Variants in PDE11A observed in about 807,000 individuals in gnomAD.
PDE11A encodes the protein dual 3',5'-cyclic-AMP and -GMP phosphodiesterase 11A.
In PDE11A, 100 loss-of-function variants were observed where a neutral mutation model predicts 100.5. The observed-to-expected ratio is 1.00, with a 90% CI of 0.85 to 1.18. The LOEUF is 1.18. Among genes scored for constraint, PDE11A ranks in the 50% most tolerant of loss-of-function variants. The pLI is 0.00. For synonymous variants in PDE11A, 381 were observed against 420.8 expected, an observed-to-expected ratio of 0.91 and a Z score of 1.16; for missense variants, 1,141 against 1,152.6, an observed-to-expected ratio of 0.99 and a Z score of 0.15.
At chr2:177,768,844 T>C (rs185902953) in intron 10 of PDE11A, among the ~76,000 whole-genome samples, 21 of 152,356 alleles carry the variant, frequency 1.4e-4, no homozygotes, top group Admixed American at 3.9e-4. Flanking sequence ...TAAAATAGTA[T>C]GTTTTTCACA....
chr2:177,778,621 G>C (rs1328059383), intron 9 of PDE11A, among the ~76,000 whole-genome samples: 1 of 152,190 alleles, frequency 6.6e-6, no homozygotes, highest in Non-Finnish European at 1.5e-5. Context: ...TTTGCTCTCA[G>C]CAGTAGTCCT....
chr2:177,860,443 T>G (rs1041354272), intron 5 of PDE11A, among the ~76,000 whole-genome samples: 4 of 151,652 alleles, frequency 2.6e-5, no homozygotes, highest in African/African-American at 9.7e-5. Flanking sequence ...ATTAGAGAGG[T>G]TAAATTAATA....
At chr2:177,670,483 C>T (rs2080661741) in intron 17 of PDE11A, among the ~76,000 whole-genome samples, 1 of 91,066 alleles carries the variant, frequency 1.1e-5, no homozygotes, top group South Asian at 3.9e-4. Flanking sequence ...AACGCTACTA[C>T]AGTGTGCATC....
chr2:177,916,351 C>T (rs1304477288), intron 2 of PDE11A, among the ~76,000 whole-genome samples: 5 of 152,210 alleles, frequency 3.3e-5, no homozygotes, highest in Admixed American at 1.3e-4. Flanking sequence ...CCTCCTTCTG[C>T]TCTTGAACTT....
intron 10 of PDE11A, among the ~76,000 whole-genome samples, chr2:177,753,700 C>A (rs1445932661): frequency 6.6e-6 from 1 of 151,522 alleles, no homozygotes. Context: ...GCTTCCACAC[C>A]AAAAGCCCTA....
intron 9 of PDE11A, among the ~76,000 whole-genome samples, chr2:177,775,679 C>A (rs570264097): frequency 1.3e-5 from 2 of 152,176 alleles, no homozygotes; most frequent in East Asian, 3.8e-4. Flanking sequence ...ATACACCAAG[C>A]GCTTTTCTAC....
chr2:177,943,207 C>A (rs1262113425), intron 2 of PDE11A, among the ~76,000 whole-genome samples: 2 of 152,158 alleles, frequency 1.3e-5, no homozygotes, highest in East Asian at 1.9e-4. Context: ...CTCTTCAAGA[C>A]CCTGCATTTA....
At chr2:177,958,039 C>T (rs115875830) in intron 2 of PDE11A, among the ~76,000 whole-genome samples, 4,158 of 151,534 alleles carry the variant, frequency 0.027, 185 homozygotes, top group African/African-American at 0.096. Flanking sequence ...AGCTGGTGCG[C>T]GCAACCATGC....
chr2:177,985,701 G>T (rs2105806149), intron 2 of PDE11A, among the ~76,000 whole-genome samples: 1 of 152,262 alleles, frequency 6.6e-6, no homozygotes, highest in African/African-American at 2.4e-5. Flanking sequence ...TTTTCTATCT[G>T]CCTCAGTCTC....
At chr2:177,948,424 A>G (rs1173897068) in intron 2 of PDE11A, among the ~76,000 whole-genome samples, 1 of 152,226 alleles carries the variant, frequency 6.6e-6, no homozygotes, top group Admixed American at 6.5e-5. Context: ...TGTACAATAT[A>G]TAAAAGCTCC....
intron 2 of PDE11A, among the ~76,000 whole-genome samples, chr2:178,101,989 G>C (rs911336609): frequency 6.6e-6 from 1 of 151,264 alleles, no homozygotes; most frequent in African/African-American, 2.4e-5. Context: ...TTTGAGACAG[G>C]GTCTCACTCT....
chr2:178,056,172 G>A (rs2086897335), intron 1 of PDE11A, among the ~76,000 whole-genome samples: 1 of 152,110 alleles, frequency 6.6e-6, no homozygotes. Context: ...AACATATTGA[G>A]GGAGAAGAAA....
chr2:177,945,102 G>A (rs972874097), intron 2 of PDE11A, among the ~76,000 whole-genome samples: 7 of 150,864 alleles, frequency 4.6e-5, no homozygotes, highest in African/African-American at 1.5e-4. Context: ...GATTGCAGAG[G>A]GAGTCTCGTT....
intron 2 of PDE11A, among the ~76,000 whole-genome samples, chr2:178,009,472 C>A (rs902070365): frequency 6.6e-6 from 1 of 152,164 alleles, no homozygotes; most frequent in Non-Finnish European, 1.5e-5. Flanking sequence ...CAAACTCTCA[C>A]CACTGCTGAT....
Position 177,629,035 on chromosome 2 carries a change from T to C in PDE11A, c.*372A>G. The stretch of plus-strand genomic sequence containing the variant: ...GCTTGTAACAAACAGAAAAGCCCTA[T>C]ACAAAACGAAGCAGCGCTAATGACG... On this transcript the variant is annotated 3_prime_UTR_variant, in exon 20 of 20. Coordinates refer to ENST00000286063, the MANE Select transcript of PDE11A (RefSeq NM_016953.4). 1.0e-5 allele frequency: 3 copies of C among 286,184 alleles called. 1 individual carries two copies. The highest frequency in any genetic ancestry group is 8.0e-5 in the South Asian group (2 of 25,010). 17.7% of individuals were successfully genotyped at this position (286,184 alleles called of 1,614,324 possible).
chr2:177,784,748 G>C (rs1291122230), intron 9 of PDE11A, among the ~76,000 whole-genome samples: 1 of 152,162 alleles, frequency 6.6e-6, no homozygotes, highest in Non-Finnish European at 1.5e-5. Flanking sequence ...GGTTTGCCCT[G>C]TGACATCTTT....
At position 177,629,081 on chromosome 2, in the gene PDE11A, C is replaced by G; in HGVS notation, c.*326G>C. On this transcript the variant is annotated 3_prime_UTR_variant, in exon 20 of 20. Transcript: ENST00000286063. ...TGACGCTTTTACTGTTCAGTGTTCC[C>G]TCAGCTCAGAGTAAGTAGGCCGACT... The G allele has an allele frequency of 2.5e-6, 1 of 397,474 alleles. No individual in the cohort carries two copies. 24.6% of individuals were successfully genotyped at this position (397,474 alleles called of 1,614,324 possible).
At chr2:178,088,450 G>T (rs189163569) in intron 2 of PDE11A, among the ~76,000 whole-genome samples, 2 of 152,290 alleles carry the variant, frequency 1.3e-5, no homozygotes, top group Admixed American at 1.3e-4. Flanking sequence ...TTACATCTGG[G>T]AAGTACTTCA....
intron 2 of PDE11A, among the ~76,000 whole-genome samples, chr2:177,972,343 A>G (rs574374629): frequency 6.6e-6 from 1 of 152,318 alleles, no homozygotes; most frequent in African/African-American, 2.4e-5. Context: ...CTCTAAGATC[A>G]AGAGGAGCTG....
Sources: allele counts gnomAD v4.1 joint callset (sites outside exome capture counted in the v4.1 genomes callset), GRCh38; gene constraint gnomAD v4.1.1; transcripts MANE v1.5; gene names NCBI Gene and HGNC (gene_info 2026-07-23, HGNC 2026-07-21).